The following GLG1 variants were observed in gnomAD, a reference collection of about 807,000 sequenced individuals.
GLG1 encodes the protein golgi glycoprotein 1, also known as Golgi apparatus protein 1.
GLG1 carries 38 observed loss-of-function variants against 160.5 expected under a neutral mutation model. The ratio of observed to expected loss-of-function variants is 0.24; its 90% CI spans 0.18 to 0.31. The LOEUF (loss-of-function observed/expected upper bound fraction) is 0.31. GLG1 is among the 10% of genes least tolerant of loss of function. The pLI, the probability that GLG1 is intolerant of heterozygous loss-of-function variation, is 1.00. For missense variants in GLG1, 1,373 were observed against 1,505.2 expected, an observed-to-expected ratio of 0.91 and a Z score of 1.45; for synonymous variants, 644 against 543.4, an observed-to-expected ratio of 1.19 and a Z score of -2.57.
intron 23 of GLG1, among the ~76,000 whole-genome samples, chr16:74,459,353 C>T (rs2014690835): frequency 6.6e-6 from 1 of 152,142 alleles, no homozygotes; most frequent in African/African-American, 2.4e-5. Context: ...TGGCGGGCGC[C>T]TATAGTCCCA....
chr16:74,470,136 G>A (rs1454487213), intron 15 of GLG1, 63 bp from the exon 16 acceptor site: 2 of 983,990 alleles, frequency 2.0e-6, no homozygotes, highest in Non-Finnish European at 3.3e-6. Flanking sequence ...TAGTGGTAGG[G>A]CGCACTTTTT....
In GLG1 at chr16:74,530,896, G is replaced by A. The variant is rs142158828; in HGVS notation, c.471+1225C>T. ...TCTGAGGGAGAATAAACTTTTTACT[G>A]TTTATTGGACACCTTTTTCTTTTCC... On this transcript the variant is annotated intron_variant, in intron 2 of 25. Coordinates refer to ENST00000422840, the MANE Select transcript of GLG1 (RefSeq NM_001145667.2). Among the ~76,000 whole-genome samples the A allele has an allele frequency of 9.2e-3, 1,403 of 152,102 alleles. 16 individuals carry two copies. The highest frequency in any genetic ancestry group is 0.014 in the Non-Finnish European group (944 of 67,976).
At chr16:74,523,423 T>C (rs1320555704) in intron 2 of GLG1, among the ~76,000 whole-genome samples, 1 of 152,176 alleles carries the variant, frequency 6.6e-6, no homozygotes, top group African/African-American at 2.4e-5. Context: ...TCGCTTTGGC[T>C]GTTACAGGTA....
At chr16:74,497,750 G>C (rs1308036078) in intron 4 of GLG1, among the ~76,000 whole-genome samples, 1 of 152,084 alleles carries the variant, frequency 6.6e-6, no homozygotes, top group Non-Finnish European at 1.5e-5. Context: ...AGTGCTTTCA[G>C]TCAAGTTAAA....
rs957378165 is a variant in GLG1, at chr16:74,575,341, G to A, written c.438+31316C>T. The stretch of plus-strand genomic sequence containing the variant: ...ATTTTGAGATGCACCATTACTTTAC[G>A]TACCACTAGGGGAGAAATATTCTAC... On this transcript the variant is annotated intron_variant, in intron 1 of 25. Transcript: ENST00000422840. Among the ~76,000 whole-genome samples, 7 of 152,194 alleles carry A rather than the reference G, an allele frequency of 4.6e-5. 1 individual carries two copies. Among genetic ancestry groups the A allele is most frequent in the South Asian group, 2.1e-4 (1 of 4,822 alleles).
chr16:74,474,398 A>G (rs1342429190), intron 13 of GLG1, 148 bp downstream of exon 13: 2 of 629,162 alleles, frequency 3.2e-6, no homozygotes, highest in Admixed American at 5.5e-5. Context: ...ATACTTCTTT[A>G]TAAAGCAAAC....
intron 1 of GLG1, among the ~76,000 whole-genome samples, chr16:74,562,254 TGGTCAAA>T (rs1445517659): frequency 6.6e-6 from 1 of 152,222 alleles, no homozygotes; most frequent in East Asian, 1.9e-4. Flanking sequence ...CTGGTTGCCT[TGGTCAAA>T]GGTATTGCAG....
intron 4 of GLG1, 47 bp downstream of exon 4, chr16:74,503,484 A>G: frequency 7.8e-7 from 1 of 1,277,600 alleles, no homozygotes; most frequent in Non-Finnish European, 1.1e-6. Context: ...CTTTTCATAC[A>G]CCAAATTTTA....
intron 3 of GLG1, 87 bp from the exon 4 acceptor site, chr16:74,503,833 T>G (rs1379994051): frequency 2.3e-6 from 2 of 867,044 alleles, no homozygotes; most frequent in African/African-American, 3.4e-5. Flanking sequence ...TCTGAAATTT[T>G]CCTGTTGATT....
At chr16:74,586,274 C>A (rs1958050759) in intron 1 of GLG1, among the ~76,000 whole-genome samples, 1 of 152,102 alleles carries the variant, frequency 6.6e-6, no homozygotes, top group Non-Finnish European at 1.5e-5. Flanking sequence ...CACAACTTCT[C>A]TTGTGTTCAA....
intron 4 of GLG1, among the ~76,000 whole-genome samples, chr16:74,503,136 G>C (rs1007170688): frequency 5.5e-4 from 84 of 151,956 alleles, no homozygotes; most frequent in African/African-American, 1.9e-3. Context: ...GAACCCAGGA[G>C]GCTGAGGCTG....
intron 1 of GLG1, among the ~76,000 whole-genome samples, chr16:74,556,680 T>A (rs7205992): frequency 0.67 from 100,691 of 149,462 alleles, 34,087 homozygotes; most frequent in East Asian, 0.81. Context: ...TGGAATAATA[T>A]TATTATTTTT....
intron 2 of GLG1, among the ~76,000 whole-genome samples, chr16:74,518,753 A>C (rs2017065326): frequency 6.6e-6 from 1 of 152,242 alleles, no homozygotes; most frequent in African/African-American, 2.4e-5. Context: ...CATCAGAGTG[A>C]ACAGGCAACC....
intron 1 of GLG1, among the ~76,000 whole-genome samples, chr16:74,603,697 A>G (rs952864825): frequency 3.3e-5 from 5 of 152,326 alleles, no homozygotes; most frequent in Admixed American, 2.6e-4. Context: ...GTATTTTAAA[A>G]TGACTGACAA....
chr16:74,514,841 C>T (rs2016927825), intron 2 of GLG1, among the ~76,000 whole-genome samples: 1 of 152,066 alleles, frequency 6.6e-6, no homozygotes, highest in African/African-American at 2.4e-5. Flanking sequence ...AAGACACAAA[C>T]TGGCAAACTG....
At chr16:74,590,676 A>C (rs1223157750) in intron 1 of GLG1, among the ~76,000 whole-genome samples, 2 of 151,072 alleles carry the variant, frequency 1.3e-5, no homozygotes. Context: ...ACATGCTTGT[A>C]ATCCCAGCTA....
chr16:74,541,673 T>C (rs1391345526), intron 1 of GLG1, among the ~76,000 whole-genome samples: 1 of 152,264 alleles, frequency 6.6e-6, no homozygotes, highest in Non-Finnish European at 1.5e-5. Flanking sequence ...TTTCATTCTC[T>C]GTATAAAATC....
intron 1 of GLG1, among the ~76,000 whole-genome samples, chr16:74,570,510 T>C (rs1463573564): frequency 8.7e-5 from 7 of 80,792 alleles, no homozygotes; most frequent in Admixed American, 2.7e-4. Flanking sequence ...AATTCTATAC[T>C]GTGATGGATT....
chr16:74,480,116 A>C, intron 11 of GLG1, 125 bp downstream of exon 11: 1 of 744,474 alleles, frequency 1.3e-6, no homozygotes. Context: ...GAAGTGCAGC[A>C]ATCTTCTCCC....
Sources: allele counts gnomAD v4.1 joint callset (sites outside exome capture counted in the v4.1 genomes callset), GRCh38; gene constraint gnomAD v4.1.1; transcripts MANE v1.5; gene names NCBI Gene and HGNC (gene_info 2026-07-23, HGNC 2026-07-21).